Variants in GPC3 observed in about 807,000 individuals in gnomAD.
The protein encoded by GPC3 is glypican 3.
A neutral mutation model predicts 34.4 loss-of-function variants in GPC3; 3 were observed. The observed-to-expected ratio is 0.09, with a 90% CI of 0.04 to 0.23. The LOEUF is 0.23. Ranked by LOEUF, GPC3 falls within the 10% of genes least tolerant of loss-of-function variation. The probability of loss-of-function intolerance (pLI) is 1.00; values close to 1 mark genes in which losing one functional copy is unlikely to be tolerated. For missense variants in GPC3, 351 were observed against 445.6 expected, an observed-to-expected ratio of 0.79 and a Z score of 1.91; for synonymous variants, 177 against 174.0, an observed-to-expected ratio of 1.02 and a Z score of -0.13.
At chrX:133,972,229 C>G (rs2076496712) in intron 1 of GPC3, among the ~76,000 whole-genome samples, 1 of 112,222 alleles carries the variant, frequency 8.9e-6, no homozygotes. Flanking sequence ...TCCTTTATTT[C>G]AGAAATAAAC....
intron 2 of GPC3, among the ~76,000 whole-genome samples, chrX:133,825,652 A>G (rs2075742482): frequency 8.9e-6 from 1 of 111,899 alleles, no homozygotes. Flanking sequence ...AGATATCCAC[A>G]GGGGCTTTGG....
chrX:133,866,883 C>A (rs1167365145), intron 2 of GPC3, among the ~76,000 whole-genome samples: 2 of 110,985 alleles, frequency 1.8e-5, no homozygotes, highest in African/African-American at 6.6e-5. Context: ...AGGCTCCTAG[C>A]CCACCATTTA....
intron 2 of GPC3, among the ~76,000 whole-genome samples, chrX:133,758,898 C>T (rs2071757024): frequency 9.0e-6 from 1 of 110,902 alleles, no homozygotes; most frequent in African/African-American, 3.3e-5. Flanking sequence ...ACTTTCTTCA[C>T]TTGATAAAGA....
At chrX:133,663,192 C>T (rs1300997037) in intron 5 of GPC3, among the ~76,000 whole-genome samples, 1 of 111,866 alleles carries the variant, frequency 8.9e-6, no homozygotes, top group Non-Finnish European at 1.9e-5. Flanking sequence ...AATCCCAGCA[C>T]TTTGGTAGGC....
intron 5 of GPC3, among the ~76,000 whole-genome samples, chrX:133,689,856 A>G (rs1399982969): frequency 8.9e-6 from 1 of 112,355 alleles, no homozygotes; most frequent in Non-Finnish European, 1.9e-5. Flanking sequence ...ATAACACTGG[A>G]CAAGGCACTG....
chrX:133,771,800 G>A (rs2071923623), intron 2 of GPC3, among the ~76,000 whole-genome samples: 1 of 111,899 alleles, frequency 8.9e-6, no homozygotes, highest in East Asian at 2.8e-4. Flanking sequence ...AAATTCTCTG[G>A]GCAGAGAGGG....
chrX:133,700,680 C>T (rs1011738290), intron 3 of GPC3, among the ~76,000 whole-genome samples: 25 of 110,642 alleles, frequency 2.3e-4, no homozygotes, highest in Middle Eastern at 4.6e-3. Context: ...AGTTCAAAGC[C>T]AGCCTGGGCA....
At chrX:133,911,879 A>C (rs1328831359) in intron 2 of GPC3, among the ~76,000 whole-genome samples, 1 of 112,056 alleles carries the variant, frequency 8.9e-6, no homozygotes, top group Non-Finnish European at 1.9e-5. Context: ...CCTTCAAAAA[A>C]TGCTCAGTTT....
At chrX:133,776,748 C>T (rs952157008) in intron 2 of GPC3, among the ~76,000 whole-genome samples, 2 of 111,316 alleles carry the variant, frequency 1.8e-5, no homozygotes, top group African/African-American at 6.5e-5. Flanking sequence ...TCAGGTGCAT[C>T]CCCAATACCT....
chrX:133,757,548 C>T (rs2071738412), intron 2 of GPC3, among the ~76,000 whole-genome samples: 1 of 111,300 alleles, frequency 9.0e-6, no homozygotes, highest in South Asian at 3.8e-4. Context: ...TTTTTATGGG[C>T]CTTTTCAGTA....
intron 1 of GPC3, among the ~76,000 whole-genome samples, chrX:133,978,637 T>C (rs1432468420): frequency 8.9e-6 from 1 of 112,123 alleles, no homozygotes; most frequent in Non-Finnish European, 1.9e-5. Context: ...AAAACCTTAG[T>C]ATATTGGTAA....
chrX:133,961,839 A>G (rs2076442943), intron 1 of GPC3, among the ~76,000 whole-genome samples: 1 of 111,663 alleles, frequency 9.0e-6, no homozygotes, highest in Non-Finnish European at 1.9e-5. Context: ...TTGCTCCCTC[A>G]TCACCTCACC....
intron 2 of GPC3, among the ~76,000 whole-genome samples, chrX:133,830,441 G>A (rs988503141): frequency 9.0e-6 from 1 of 111,375 alleles, no homozygotes; most frequent in Non-Finnish European, 1.9e-5. Flanking sequence ...CACTTTGGGA[G>A]GCTGAGGCGG....
chrX:133,962,326 T>C (rs1356199993), intron 1 of GPC3, among the ~76,000 whole-genome samples: 1 of 112,053 alleles, frequency 8.9e-6, no homozygotes, highest in Non-Finnish European at 1.9e-5. Flanking sequence ...TTTAAGTTCC[T>C]TGAGGGAAGG....
At chrX:133,857,590 C>T (rs1203417443) in intron 2 of GPC3, among the ~76,000 whole-genome samples, 2 of 111,468 alleles carry the variant, frequency 1.8e-5, no homozygotes, top group African/African-American at 3.3e-5. Flanking sequence ...CCTTTCTGGG[C>T]CCATTTCCTC....
intron 6 of GPC3, among the ~76,000 whole-genome samples, chrX:133,606,488 C>T (rs2070052655): frequency 2.7e-5 from 3 of 111,868 alleles, no homozygotes; most frequent in Admixed American, 1.9e-4. Flanking sequence ...GTGGAGTGAT[C>T]ACAGCTTACT....
At chrX:133,950,311 G>C (rs2076386655) in intron 2 of GPC3, among the ~76,000 whole-genome samples, 1 of 111,933 alleles carries the variant, frequency 8.9e-6, no homozygotes, top group Non-Finnish European at 1.9e-5. Context: ...AAGGGCCCCA[G>C]GCTCATTTAT....
intron 2 of GPC3, among the ~76,000 whole-genome samples, chrX:133,902,551 C>T (rs1006681455): frequency 2.7e-5 from 3 of 110,840 alleles, no homozygotes; most frequent in African/African-American, 9.9e-5. Context: ...GGTGAAACCT[C>T]GTCTCTACTA....
intron 2 of GPC3, among the ~76,000 whole-genome samples, chrX:133,911,065 C>A (rs983902663): frequency 5.6e-4 from 63 of 111,972 alleles, no homozygotes; most frequent in African/African-American, 1.9e-3. Context: ...AAAAAAGTGC[C>A]CTGTAAGATA....
Sources: allele counts gnomAD v4.1 joint callset (sites outside exome capture counted in the v4.1 genomes callset), GRCh38; gene constraint gnomAD v4.1.1; transcripts MANE v1.5; gene names NCBI Gene and HGNC (gene_info 2026-07-23, HGNC 2026-07-21).